Variants in CAMK4 observed in about 807,000 individuals in gnomAD.
CAMK4 encodes calcium/calmodulin dependent protein kinase IV, also known as calcium/calmodulin-dependent protein kinase type IV.
CAMK4 carries 22 observed loss-of-function variants against 44.9 expected under a neutral mutation model. The ratio of observed to expected loss-of-function variants is 0.49; its 90% confidence interval spans 0.35 to 0.70. CAMK4 has a LOEUF of 0.70. Among genes scored for constraint, CAMK4 ranks in the 30% least tolerant of loss-of-function variants. The pLI is 0.01. For missense variants in CAMK4, 498 were observed against 586.8 expected, an observed-to-expected ratio of 0.85 and a Z score of 1.56; for synonymous variants, 218 against 215.4, an observed-to-expected ratio of 1.01 and a Z score of -0.11.
chr5:111,390,049 GA>G lies in CAMK4; in HGVS notation c.387-4660del, dbSNP rs3839289. Among the ~76,000 whole-genome samples, 22 of 152,242 alleles carry G rather than the reference GA, an allele frequency of 1.4e-4. No individual in the cohort carries two copies. The East Asian group carries it at 3.3e-3, about 23-fold the overall frequency. ...CATGTCAATTAAATTTTTATAAGTA[GA>G]CCATTTAACCTAATCATGAATTGGA... On this transcript the variant is annotated intron_variant, in intron 4 of 10. Transcript: ENST00000282356.
chr5:111,269,550 T>G (rs1392109632), intron 1 of CAMK4, among the ~76,000 whole-genome samples: 1 of 152,112 alleles, frequency 6.6e-6, no homozygotes, highest in Non-Finnish European at 1.5e-5. Flanking sequence ...AGATAGATTT[T>G]AAACTGCAGG....
At chr5:111,480,692 T>A (rs1755405908) in intron 9 of CAMK4, among the ~76,000 whole-genome samples, 2 of 152,172 alleles carry the variant, frequency 1.3e-5, no homozygotes. Context: ...ATGCTTTAGT[T>A]TTCTCATCTA....
At chr5:111,426,953 T>C (rs578127303) in intron 5 of CAMK4, among the ~76,000 whole-genome samples, 69 of 151,938 alleles carry the variant, frequency 4.5e-4, no homozygotes, top group Non-Finnish European at 5.2e-4. Context: ...CTTACAAGAG[T>C]CCCAGTGCTG....
At chr5:111,381,029 G>T (rs1420921750) in intron 4 of CAMK4, among the ~76,000 whole-genome samples, 1 of 152,078 alleles carries the variant, frequency 6.6e-6, no homozygotes, top group Non-Finnish European at 1.5e-5. Context: ...TGTACCCTTA[G>T]CTCTGTGTAA....
At chr5:111,481,881 A>G (rs1232793743) in intron 9 of CAMK4, 2 of 152,226 alleles carry the variant, frequency 1.3e-5, no homozygotes, top group Non-Finnish European at 2.9e-5. Context: ...ATATGCATCT[A>G]AGAAGCAATT....
At chr5:111,363,337 A>T (rs892522783) in intron 2 of CAMK4, among the ~76,000 whole-genome samples, 7 of 151,856 alleles carry the variant, frequency 4.6e-5, no homozygotes, top group Admixed American at 1.3e-4. Flanking sequence ...TTAAACCAGA[A>T]TTTTTTTTCT....
intron 7 of CAMK4, among the ~76,000 whole-genome samples, chr5:111,461,630 C>A (rs1453621403): frequency 6.6e-6 from 1 of 151,884 alleles, no homozygotes; most frequent in Non-Finnish European, 1.5e-5. Flanking sequence ...AGGATAGAGG[C>A]AGAGAATTTC....
At chr5:111,394,341 A>C (rs1751918455) in intron 4 of CAMK4, among the ~76,000 whole-genome samples, 1 of 152,190 alleles carries the variant, frequency 6.6e-6, no homozygotes, top group Admixed American at 6.5e-5. Flanking sequence ...GTAATTAAGC[A>C]GATAAAACAA....
intron 1 of CAMK4, among the ~76,000 whole-genome samples, chr5:111,279,304 G>C (rs1452332430): frequency 6.6e-6 from 1 of 152,130 alleles, no homozygotes; most frequent in African/African-American, 2.4e-5. Flanking sequence ...AGTTCAATTT[G>C]AGAAACCCTG....
At chr5:111,435,065 A>T (rs1211091736) in intron 5 of CAMK4, among the ~76,000 whole-genome samples, 6 of 152,368 alleles carry the variant, frequency 3.9e-5, no homozygotes, top group Non-Finnish European at 2.9e-5. Context: ...GAGTTTAATT[A>T]CATGTCTAGA....
chr5:111,263,087 C>T (rs2112565466), intron 1 of CAMK4, among the ~76,000 whole-genome samples: 1 of 152,282 alleles, frequency 6.6e-6, no homozygotes, highest in Non-Finnish European at 1.5e-5. Flanking sequence ...AGTAGTAAGA[C>T]AGCGAAAAGA....
In CAMK4 at chr5:111,490,135, C is replaced by G. The variant is rs1354671521; in HGVS notation, c.*5669C>G. The G allele has an allele frequency of 4.6e-5, 7 of 152,134 alleles. No individual in the cohort carries two copies. Among genetic ancestry groups the G allele is most frequent in the Non-Finnish European group, 1.0e-4 (7 of 68,028 alleles). The allele number at this position is 152,134 out of a possible 1,614,324, so 9.4% of individuals were successfully genotyped here. A position where few individuals can be genotyped will look rare whatever the true frequency, so the allele number is the denominator to read the frequency against. ...TTCACTCTGATTAATCTTTATTTTC[C>G]ATTTAAAAGATTATTTCAGGCTACT... is the stretch of plus-strand genomic sequence containing the variant. On this transcript the variant is annotated 3_prime_UTR_variant, in exon 11 of 11. Coordinates refer to ENST00000282356, the MANE Select transcript of CAMK4 (RefSeq NM_001744.6).
At chr5:111,413,401 A>G (rs1752697819) in intron 5 of CAMK4, among the ~76,000 whole-genome samples, 1 of 151,912 alleles carries the variant, frequency 6.6e-6, no homozygotes, top group South Asian at 2.1e-4. Context: ...ATATGGTGAA[A>G]CCCTGTCTCT....
chr5:111,402,553 A>G (rs1005472780), intron 5 of CAMK4, among the ~76,000 whole-genome samples: 2 of 152,224 alleles, frequency 1.3e-5, no homozygotes, highest in African/African-American at 2.4e-5. Context: ...CATTAAAACA[A>G]TCTTCCACTT....
At chr5:111,473,177 GT>G (rs1196246026) in intron 7 of CAMK4, 133 bp from the exon 8 acceptor site, 1 of 715,168 alleles carries the variant, frequency 1.4e-6, no homozygotes, top group East Asian at 2.6e-5. Flanking sequence ...TCATACTGTG[GT>G]TTGGGGAGAG....
At chr5:111,347,341 G>T (rs141151026) in intron 2 of CAMK4, among the ~76,000 whole-genome samples, 2 of 152,120 alleles carry the variant, frequency 1.3e-5, no homozygotes, top group Admixed American at 1.3e-4. Flanking sequence ...CTGAATAACA[G>T]CTCAAGGATA....
At chr5:111,344,412 GT>G (rs1561427055) in intron 2 of CAMK4, among the ~76,000 whole-genome samples, 1 of 56,598 alleles carries the variant, frequency 1.8e-5, no homozygotes, top group Non-Finnish European at 3.7e-5. Context: ...ATATATATAT[GT>G]ATATACACAC....
intron 2 of CAMK4, among the ~76,000 whole-genome samples, chr5:111,355,446 G>T (rs1209026296): frequency 1.3e-5 from 2 of 151,562 alleles, no homozygotes; most frequent in African/African-American, 4.8e-5. Context: ...TTTCTTTATT[G>T]ACATAAACAT....
At chr5:111,340,874 C>T in intron 1 of CAMK4, among the ~76,000 whole-genome samples, 1 of 150,704 alleles carries the variant, frequency 6.6e-6, no homozygotes. Context: ...GAAACTATTA[C>T]AATTTCAATC....
Sources: gnomAD v4.1 joint callset for allele counts (sites outside exome capture counted in the v4.1 genomes callset) on GRCh38, gnomAD v4.1.1 for gene constraint, MANE v1.5 for transcripts, NCBI Gene and HGNC (gene_info 2026-07-23, HGNC 2026-07-21) for gene names.